Variants in ASH1L observed in about 807,000 individuals in gnomAD.
ASH1L encodes histone-lysine N-methyltransferase ASH1L.
Under a neutral mutation model 269.0 loss-of-function variants are expected in ASH1L, and 23 were observed. The ratio of observed to expected loss-of-function variants is 0.09; its 90% CI spans 0.06 to 0.12. The LOEUF is 0.12. ASH1L is among the 10% of genes least tolerant of loss of function. ASH1L has a pLI of 1.00. For synonymous variants in ASH1L, 1,187 were observed against 1,253.5 expected (o/e 0.95, Z 1.12); for missense variants, 2,912 against 3,567.8 (o/e 0.82, Z 4.68).
At chr1:155,433,373 C>T in intron 5 of ASH1L, 1 of 1,597,970 alleles carries the variant, frequency 6.3e-7, no homozygotes, top group Non-Finnish European at 8.5e-7. Context: ...CCCATGCCCC[C>T]CGCTGTATGA....
At chr1:155,557,760 A>C (rs185133839) in intron 1 of ASH1L, among the ~76,000 whole-genome samples, 1 of 152,330 alleles carries the variant, frequency 6.6e-6, no homozygotes. Context: ...ATGAAAAAAC[A>C]CTAAAATTAA....
chr1:155,498,373 G>A (rs1452964577), intron 2 of ASH1L, among the ~76,000 whole-genome samples: 2 of 152,100 alleles, frequency 1.3e-5, no homozygotes, highest in Admixed American at 6.6e-5. Context: ...GAGAAGACGG[G>A]ACTACAGGCA....
intron 7 of ASH1L, among the ~76,000 whole-genome samples, chr1:155,382,004 C>T (rs767937600): frequency 6.7e-4 from 101 of 150,932 alleles, no homozygotes; most frequent in Non-Finnish European, 1.2e-3. Flanking sequence ...GTCAGGAGTT[C>T]GAGAACAGCC....
intron 2 of ASH1L, among the ~76,000 whole-genome samples, chr1:155,495,531 G>A (rs1030365804): frequency 5.3e-5 from 8 of 152,128 alleles, no homozygotes; most frequent in Non-Finnish European, 8.8e-5. Context: ...AAGTACACCT[G>A]TATAGGGTAC....
intron 6 of ASH1L, among the ~76,000 whole-genome samples, chr1:155,414,853 G>A (rs940538147): frequency 6.6e-6 from 1 of 152,070 alleles, no homozygotes; most frequent in African/African-American, 2.4e-5. Flanking sequence ...TTTCTTAATT[G>A]ATGATAATTT....
chr1:155,421,974 C>A (rs1444424350), intron 5 of ASH1L, among the ~76,000 whole-genome samples: 1 of 152,122 alleles, frequency 6.6e-6, no homozygotes, highest in African/African-American at 2.4e-5. Context: ...CTTTTTCATC[C>A]TCCCAGACAG....
rs187523656 is a variant in ASH1L, at chr1:155,376,709, G to T, written c.6332+1572C>A. 3.3e-3 allele frequency among the ~76,000 whole-genome samples: 492 copies of T among 151,008 alleles called. 3 individuals are homozygous for T. Among genetic ancestry groups the T allele is most frequent in the Middle Eastern group, 0.01 (3 of 290 alleles). On this transcript the variant is annotated intron_variant, in intron 10 of 27. Coordinates refer to ENST00000392403, the MANE Select transcript of ASH1L (RefSeq NM_018489.3). ...ATAAATTAAAAAAATACAAAAATTA[G>T]CCAGGCATGGTGGGGGGCACCTGTA...
intron 2 of ASH1L, among the ~76,000 whole-genome samples, chr1:155,513,620 C>A (rs766691659): frequency 1.3e-5 from 2 of 151,010 alleles, no homozygotes; most frequent in Non-Finnish European, 2.9e-5. Flanking sequence ...GGTGACACAG[C>A]GACACCCAAT....
intron 4 of ASH1L, among the ~76,000 whole-genome samples, chr1:155,450,669 C>A (rs1663396779): frequency 6.6e-6 from 1 of 152,124 alleles, no homozygotes; most frequent in Admixed American, 6.6e-5. Context: ...AATGGAATTA[C>A]CATATAATCG....
At chr1:155,457,515 A>G (rs1388131761) in intron 4 of ASH1L, among the ~76,000 whole-genome samples, 1 of 152,202 alleles carries the variant, frequency 6.6e-6, no homozygotes, top group Non-Finnish European at 1.5e-5. Context: ...TTGCCTACTT[A>G]AGTAAATTCA....
intron 5 of ASH1L, among the ~76,000 whole-genome samples, chr1:155,431,991 C>A (rs1661647954): frequency 6.6e-6 from 1 of 152,080 alleles, no homozygotes. Context: ...AGGATTTGAA[C>A]CTAGGTTTTC....
intron 2 of ASH1L, among the ~76,000 whole-genome samples, chr1:155,494,726 ATACT>A (rs1232645725): frequency 6.6e-6 from 1 of 152,306 alleles, no homozygotes; most frequent in East Asian, 1.9e-4. Flanking sequence ...TAAAATTGAA[ATACT>A]TACTAAACAT....
At chr1:155,427,278 G>T (rs897271991) in intron 5 of ASH1L, among the ~76,000 whole-genome samples, 1 of 151,528 alleles carries the variant, frequency 6.6e-6, no homozygotes, top group African/African-American at 2.4e-5. Flanking sequence ...GGGATTACAG[G>T]CATGCAGCAC....
rs770815766 is a variant in ASH1L at position 155,433,391 on chromosome 1, G to C, written c.5828+4936C>G. ...ATGCCCCCCGCTGTATGAGTTCTGTGGGGGGATGGCGTACTGTGGGCCTCA... is the reference window on the plus strand; with the variant it reads ...ATGCCCCCCGCTGTATGAGTTCTGTCGGGGGATGGCGTACTGTGGGCCTCA... On this transcript the variant is annotated intron_variant, in intron 5 of 27. Transcript: ENST00000392403. 4.4e-6 allele frequency: 7 copies of C among 1,604,802 alleles called. No individual in the cohort carries two copies. The East Asian group carries it at 6.8e-5, about 16-fold the overall frequency.
intron 1 of ASH1L, among the ~76,000 whole-genome samples, chr1:155,524,521 C>CAA (rs749990170): frequency 2.6e-4 from 15 of 57,260 alleles, no homozygotes; most frequent in East Asian, 9.8e-4. Flanking sequence ...GACTCCGTCT[C>CAA]AAAAAAAAAA....
rs1653045613 is a variant in ASH1L, at chr1:155,344,263, A to G, written c.7901T>C (p.Met2634Thr). ...DPRPVDREVPMIPRPHYAQPG... is the reference protein window; with the variant it reads ...DPRPVDREVPTIPRPHYAQPG... ...TTGGGCATAGTGGGGCCGAGGGATCATGGGAACCTCCTGATAGGAGCAGAA... is the reference window on the plus strand; with the variant it reads ...TTGGGCATAGTGGGGCCGAGGGATCGTGGGAACCTCCTGATAGGAGCAGAA... Residue 2634 changes from methionine (M) to threonine (T), a missense_variant, in exon 22 of 28, where the codon ATG becomes ACG. Met to Thr is a moderately conservative substitution (Grantham distance 81). This residue lies in a region of ASH1L where 179 missense variants were observed against 293.8 expected (regional missense o/e 0.61). Coordinates refer to ENST00000392403, the MANE Select transcript of ASH1L (RefSeq NM_018489.3). 5.0e-6 allele frequency: 8 copies of G among 1,613,982 alleles called. No homozygotes were observed. Among genetic ancestry groups the G allele is most frequent in the Non-Finnish European group, 6.8e-6 (8 of 1,179,960 alleles).
intron 7 of ASH1L, among the ~76,000 whole-genome samples, chr1:155,380,396 T>C (rs946674304): frequency 1.3e-5 from 2 of 152,014 alleles, no homozygotes; most frequent in African/African-American, 4.8e-5. Context: ...GCTTATTAAA[T>C]ATTTTATTAT....
chr1:155,344,345 A>G (rs1653052626), intron 21 of ASH1L, 72 bp from the exon 22 acceptor site: 2 of 1,180,850 alleles, frequency 1.7e-6, no homozygotes, highest in Non-Finnish European at 1.2e-6. Context: ...CTCAACCTAG[A>G]ATTCTCAATC....
chr1:155,515,145 C>CA (rs1416538324), intron 2 of ASH1L, among the ~76,000 whole-genome samples: 1 of 152,084 alleles, frequency 6.6e-6, no homozygotes, highest in Non-Finnish European at 1.5e-5. Flanking sequence ...TGAGATGTAC[C>CA]AAAAACTGCA....
Sources: allele counts gnomAD v4.1 joint callset (sites outside exome capture counted in the v4.1 genomes callset), GRCh38; gene constraint gnomAD v4.1.1; regional missense constraint gnomAD v4.1.1; transcripts MANE v1.5; gene names NCBI Gene and HGNC (gene_info 2026-07-23, HGNC 2026-07-21).